PCDH9: variants seen among roughly 807,000 people sequenced by gnomAD.
PCDH9 encodes the protein protocadherin 9.
In PCDH9, 24 loss-of-function variants were observed where a neutral mutation model predicts 70.6. That is an observed-to-expected ratio of 0.34 (90% CI 0.25 to 0.48). The LOEUF (loss-of-function observed/expected upper bound fraction) is 0.48, where lower values mean the gene tolerates loss of function less well. PCDH9 is among the 20% of genes least tolerant of loss of function. PCDH9 has a pLI of 0.99. For synonymous variants in PCDH9, 562 were observed against 558.5 expected (o/e 1.01, Z -0.09); for missense variants, 1,281 against 1,503.6 (o/e 0.85, Z 2.45).
chr13:66,807,083 A>G (rs1191303431), intron 3 of PCDH9, among the ~76,000 whole-genome samples: 1 of 152,202 alleles, frequency 6.6e-6, no homozygotes, highest in East Asian at 1.9e-4. Flanking sequence ...TTCATAATTG[A>G]ATGCCAGATT....
At chr13:66,593,197 C>T (rs1245387894) in intron 4 of PCDH9, among the ~76,000 whole-genome samples, 4 of 151,616 alleles carry the variant, frequency 2.6e-5, no homozygotes, top group South Asian at 4.2e-4. Context: ...CCAATGTTTA[C>T]GTATAGATGC....
At chr13:66,540,076 A>G (rs1051807068) in intron 4 of PCDH9, among the ~76,000 whole-genome samples, 4 of 151,682 alleles carry the variant, frequency 2.6e-5, no homozygotes, top group Non-Finnish European at 2.9e-5. Context: ...GGGTTTCACT[A>G]TGTTGCCCAG....
intron 3 of PCDH9, among the ~76,000 whole-genome samples, chr13:66,835,002 A>T (rs2080991827): frequency 6.6e-6 from 1 of 152,248 alleles, no homozygotes; most frequent in South Asian, 2.1e-4. Flanking sequence ...TAATTGGGAC[A>T]GATCCATAAT....
chr13:66,677,387 T>C (rs1301101029), intron 3 of PCDH9, among the ~76,000 whole-genome samples: 1 of 152,128 alleles, frequency 6.6e-6, no homozygotes, highest in Non-Finnish European at 1.5e-5. Flanking sequence ...TTAAAATGTA[T>C]ATAAAGATGT....
intron 2 of PCDH9, among the ~76,000 whole-genome samples, chr13:67,097,699 C>A (rs1054247352): frequency 1.3e-5 from 2 of 151,366 alleles, no homozygotes; most frequent in African/African-American, 4.9e-5. Context: ...AACATTCTGG[C>A]ATCTACACTA....
chr13:67,166,108 A>T (rs1012680729), intron 2 of PCDH9, among the ~76,000 whole-genome samples: 6 of 152,228 alleles, frequency 3.9e-5, no homozygotes, highest in Admixed American at 2.0e-4. Context: ...ATTCCTTTGG[A>T]TTTTCCTATC....
chr13:67,067,495 T>G (rs1460979269), intron 2 of PCDH9, among the ~76,000 whole-genome samples: 1 of 152,120 alleles, frequency 6.6e-6, no homozygotes, highest in African/African-American at 2.4e-5. Context: ...AGTTGCCACC[T>G]GTGGATCACA....
intron 3 of PCDH9, among the ~76,000 whole-genome samples, chr13:66,737,795 G>C (rs12583067): frequency 0.28 from 42,546 of 151,952 alleles, 6,478 homozygotes; most frequent in East Asian, 0.44. Flanking sequence ...GACCGGCTTA[G>C]AAAATGGCGC....
intron 4 of PCDH9, among the ~76,000 whole-genome samples, chr13:66,452,334 A>G (rs1471112521): frequency 4.6e-5 from 7 of 152,182 alleles, no homozygotes; most frequent in African/African-American, 7.2e-5. Flanking sequence ...AAAGCATAGC[A>G]TAATAAACAT....
Position 66,811,807 on chromosome 13 carries a change from CTTCTTCCT to C in PCDH9, c.3138+91689_3138+91696del, listed in dbSNP as rs775430924. On this transcript the variant is annotated intron_variant, in intron 3 of 4. Transcript: ENST00000377865. ...TTCCTTCTCTTTCTCTCCTTCTTTC[CTTCTTCCT>C]TTCTTCCTTTCTTTCTTTTCCTTGG... Among the ~76,000 whole-genome samples the C allele has an allele frequency of 1.6e-3, 233 of 144,938 alleles. 1 individual carries two copies. Among genetic ancestry groups the C allele is most frequent in the South Asian group, 4.8e-3 (22 of 4,626 alleles).
intron 4 of PCDH9, among the ~76,000 whole-genome samples, chr13:66,332,562 C>A (rs1194225486): frequency 1.3e-5 from 2 of 152,006 alleles, no homozygotes; most frequent in Non-Finnish European, 2.9e-5. Flanking sequence ...ACTTAAGTCT[C>A]ATGGATGAGG....
At chr13:66,903,467 T>C in intron 3 of PCDH9, 37 bp downstream of exon 3, 1 of 729,094 alleles carries the variant, frequency 1.4e-6, no homozygotes, top group African/African-American at 1.8e-5. Context: ...TGAAAATTTA[T>C]CAGTACTAAC....
intron 4 of PCDH9, among the ~76,000 whole-genome samples, chr13:66,559,799 C>CAA (rs71205593): frequency 0.19 from 1,828 of 9,746 alleles, 197 homozygotes; most frequent in East Asian, 0.31. Flanking sequence ...GACTCCATCT[C>CAA]AAAAAAAAAA....
chr13:67,027,296 G>C (rs999071919), intron 2 of PCDH9, among the ~76,000 whole-genome samples: 1 of 151,982 alleles, frequency 6.6e-6, no homozygotes, highest in East Asian at 1.9e-4. Flanking sequence ...ACAAACCTGA[G>C]AAAAACAAGA....
chr13:66,690,579 G>A (rs371006319), intron 3 of PCDH9, among the ~76,000 whole-genome samples: 1 of 151,980 alleles, frequency 6.6e-6, no homozygotes, highest in African/African-American at 2.4e-5. Context: ...CAGAGGGAAA[G>A]GCTCTAACCA....
Position 66,473,024 on chromosome 13 carries a change from A to T in PCDH9, c.3340+158186T>A, listed in dbSNP as rs538445407. 9.1e-4 allele frequency among the ~76,000 whole-genome samples: 138 copies of T among 151,896 alleles called. 2 individuals are homozygous for T. Among genetic ancestry groups the T allele is most frequent in the Non-Finnish European group, 1.9e-4 (13 of 67,902 alleles). ...AACCTTCTTATATTATATAAATTTT[A>T]TATTTTTTATGGATTGATTTGCAAT... On this transcript the variant is annotated intron_variant, in intron 4 of 4. Coordinates refer to ENST00000377865, the MANE Select transcript of PCDH9 (RefSeq NM_203487.3).
chr13:66,586,506 G>C (rs886196864), intron 4 of PCDH9, among the ~76,000 whole-genome samples: 1 of 152,092 alleles, frequency 6.6e-6, no homozygotes. Context: ...GAATGGTTGG[G>C]GCGCTCTTCC....
At chr13:67,041,179 G>A (rs1004916353) in intron 2 of PCDH9, among the ~76,000 whole-genome samples, 4 of 152,086 alleles carry the variant, frequency 2.6e-5, no homozygotes, top group African/African-American at 9.7e-5. Flanking sequence ...GGATCTGCTG[G>A]ACATAGGGAT....
chr13:67,136,486 G>C (rs1453581700), intron 2 of PCDH9, among the ~76,000 whole-genome samples: 2 of 152,072 alleles, frequency 1.3e-5, no homozygotes, highest in African/African-American at 4.8e-5. Flanking sequence ...AGACCTGCAG[G>C]TGGTCCTTTG....
Sources: allele counts gnomAD v4.1 joint callset (sites outside exome capture counted in the v4.1 genomes callset), GRCh38; gene constraint gnomAD v4.1.1; transcripts MANE v1.5; gene names NCBI Gene and HGNC (gene_info 2026-07-23, HGNC 2026-07-21).